THSD7B: variants seen among roughly 807,000 people sequenced by gnomAD.
THSD7B encodes thrombospondin type-1 domain-containing protein 7B.
THSD7B carries 138 observed loss-of-function variants against 213.6 expected under a neutral mutation model. That is an observed-to-expected ratio of 0.65 (90% CI 0.56 to 0.74). THSD7B has a LOEUF of 0.74. Ranked by LOEUF, THSD7B falls within the 30% of genes least tolerant of loss-of-function variation. THSD7B has a pLI of 0.00. For missense variants in THSD7B, 1,931 were observed against 1,991.5 expected (o/e 0.97, Z 0.58); for synonymous variants, 742 against 687.0 (o/e 1.08, Z -1.25).
chr2:137,575,742 A>ATATATATATATATATATTTTT (rs1235744133), intron 17 of THSD7B, among the ~76,000 whole-genome samples: 3 of 147,324 alleles, frequency 2.0e-5, no homozygotes, highest in Admixed American at 6.9e-5. Flanking sequence ...ATATATATAT[A>ATATATATATATATATATTTTT]TTTTTACTTT....
intron 2 of THSD7B, among the ~76,000 whole-genome samples, chr2:136,920,010 G>C (rs1020145777): frequency 5.9e-5 from 9 of 152,258 alleles, no homozygotes; most frequent in African/African-American, 2.2e-4. Context: ...GGATGTCACA[G>C]CCCTGGCTCA....
intron 7 of THSD7B, among the ~76,000 whole-genome samples, chr2:137,192,412 T>C (rs1680675500): frequency 6.6e-6 from 1 of 152,168 alleles, no homozygotes; most frequent in African/African-American, 2.4e-5. Flanking sequence ...ATGTCATTTC[T>C]AGCCAGAGTG....
chr2:137,203,356 T>A (rs1680916586), intron 7 of THSD7B, among the ~76,000 whole-genome samples: 1 of 152,094 alleles, frequency 6.6e-6, no homozygotes, highest in Non-Finnish European at 1.5e-5. Context: ...TGTTTCAGAT[T>A]GTCTGGAATT....
At chr2:136,802,999 A>G (rs920530931) in intron 1 of THSD7B, among the ~76,000 whole-genome samples, 4 of 152,002 alleles carry the variant, frequency 2.6e-5, no homozygotes, top group African/African-American at 7.2e-5. Context: ...TAAGCTCATA[A>G]AAATTATAAG....
At chr2:136,976,109 T>C (rs1288825406) in intron 2 of THSD7B, among the ~76,000 whole-genome samples, 1 of 152,238 alleles carries the variant, frequency 6.6e-6, no homozygotes, top group Non-Finnish European at 1.5e-5. Context: ...AGATAAAAGA[T>C]CATGTCATCT....
chr2:136,971,671 C>CACACACACACAT (rs1553461531), intron 2 of THSD7B, among the ~76,000 whole-genome samples: 2 of 148,330 alleles, frequency 1.3e-5, no homozygotes, highest in Non-Finnish European at 3.0e-5. Context: ...CACACACACA[C>CACACACACACAT]GATATGTATA....
At chr2:137,441,343 C>A (rs550879993) in intron 14 of THSD7B, among the ~76,000 whole-genome samples, 1 of 152,122 alleles carries the variant, frequency 6.6e-6, no homozygotes, top group South Asian at 2.1e-4. Context: ...CTCACAGCAC[C>A]CTAGCCAAAT....
chr2:137,046,530 G>A (rs112682444), intron 2 of THSD7B, among the ~76,000 whole-genome samples: 53 of 152,134 alleles, frequency 3.5e-4, no homozygotes, highest in African/African-American at 1.3e-3. Context: ...GGGAGTTCGA[G>A]AGCAGCCTGG....
chr2:136,839,762 T>G (rs1682896448), intron 1 of THSD7B, among the ~76,000 whole-genome samples: 1 of 152,236 alleles, frequency 6.6e-6, no homozygotes, highest in South Asian at 2.1e-4. Context: ...TGGTGCTGCC[T>G]GATGGTCATT....
In THSD7B at chr2:137,676,706, A is replaced by C; in HGVS notation, c.*101A>C. 1 of 1,039,860 alleles carries C rather than the reference A, an allele frequency of 9.6e-7. No homozygotes were observed. Among genetic ancestry groups the C allele is most frequent in the South Asian group, 2.0e-5 (1 of 50,098 alleles). 64.4% of individuals were successfully genotyped at this position (1,039,860 alleles called of 1,614,324 possible). A position where few individuals can be genotyped will look rare whatever the true frequency, so the allele number is the denominator to read the frequency against. On this transcript the variant is annotated 3_prime_UTR_variant, in exon 28 of 28. Transcript: ENST00000409968. The stretch of plus-strand genomic sequence containing the variant: ...TTTTTGAGGAATCTCAAGATGTGAT[A>C]TATTGGGCAGAATACAAATATTGCA...
chr2:137,096,620 C>T (rs1216668986), intron 4 of THSD7B, among the ~76,000 whole-genome samples: 1 of 152,158 alleles, frequency 6.6e-6, no homozygotes, highest in African/African-American at 2.4e-5. Flanking sequence ...AGAACCCTTC[C>T]TCGTTGTGTT....
chr2:137,402,365 T>C (rs1686389257), intron 12 of THSD7B, among the ~76,000 whole-genome samples: 1 of 152,200 alleles, frequency 6.6e-6, no homozygotes, highest in Non-Finnish European at 1.5e-5. Flanking sequence ...AAAAATTCGA[T>C]ATAGATCTCT....
At position 136,770,275 on chromosome 2, in the gene THSD7B, T is replaced by C. The variant is rs1681481424; in HGVS notation, c.-36+4588T>C. Among the ~76,000 whole-genome samples the C allele has an allele frequency of 2.6e-5, 4 of 152,302 alleles. No individual in the cohort carries two copies. In the South Asian group the frequency reaches 8.3e-4, roughly 32 times the overall value. On this transcript the variant is annotated intron_variant, in intron 1 of 27. Coordinates refer to ENST00000409968, the MANE Select transcript of THSD7B (RefSeq NM_001316349.2). Reference sequence around the variant, plus strand: ...TGTAGTATGCATACATGAAAGATTTTAATTATAATAAGACTAAGGCTTGCA... The same window carrying C: ...TGTAGTATGCATACATGAAAGATTTCAATTATAATAAGACTAAGGCTTGCA...
At chr2:137,405,198 C>CA (rs34776165) in intron 12 of THSD7B, among the ~76,000 whole-genome samples, 8,836 of 140,214 alleles carry the variant, frequency 0.063, 504 homozygotes, top group African/African-American at 0.13. Context: ...TCTAAACAAG[C>CA]AAAAAAAAAA....
At chr2:136,779,839 A>G (rs1043001047) in intron 1 of THSD7B, among the ~76,000 whole-genome samples, 2 of 152,220 alleles carry the variant, frequency 1.3e-5, no homozygotes, top group Non-Finnish European at 2.9e-5. Flanking sequence ...CAAACTGGTT[A>G]TTGACGCAAA....
chr2:137,270,571 G>C (rs1415712526), intron 10 of THSD7B, among the ~76,000 whole-genome samples: 1 of 152,130 alleles, frequency 6.6e-6, no homozygotes, highest in Non-Finnish European at 1.5e-5. Flanking sequence ...GGTAATGACA[G>C]AACATTAATG....
At chr2:137,226,961 T>A (rs6734437) in intron 7 of THSD7B, among the ~76,000 whole-genome samples, 9,272 of 152,230 alleles carry the variant, frequency 0.061, 748 homozygotes, top group African/African-American at 0.18. Context: ...CAAAATACTA[T>A]GCTTAAAGAA....
intron 14 of THSD7B, among the ~76,000 whole-genome samples, chr2:137,412,621 CAA>C (rs199913921): frequency 0.039 from 4,045 of 103,738 alleles, 308 homozygotes; most frequent in Non-Finnish European, 0.061. Context: ...CAAAAAAAAA[CAA>C]AAAACAGTTT....
At chr2:136,782,260 G>T (rs1032131287) in intron 1 of THSD7B, among the ~76,000 whole-genome samples, 1 of 152,116 alleles carries the variant, frequency 6.6e-6, no homozygotes. Flanking sequence ...CTTCTGCTGC[G>T]TTTGTGTATT....
Sources: gnomAD v4.1 joint callset for allele counts (sites outside exome capture counted in the v4.1 genomes callset) on GRCh38, gnomAD v4.1.1 for gene constraint, MANE v1.5 for transcripts, NCBI Gene and HGNC (gene_info 2026-07-23, HGNC 2026-07-21) for gene names.